Variants in RMST observed in about 807,000 individuals in gnomAD.
The protein encoded by RMST is long intergenic non-protein coding RNA 54.
intron 10 of RMST, among the ~76,000 whole-genome samples, chr12:97,522,149 T>G (rs1274621870): frequency 6.6e-6 from 1 of 152,244 alleles, no homozygotes; most frequent in Non-Finnish European, 1.5e-5. Flanking sequence ...GTTCCAACTT[T>G]GTTAAAACAT....
intron 11 of RMST, among the ~76,000 whole-genome samples, chr12:97,550,118 G>A (rs1883207515): frequency 6.6e-6 from 1 of 152,136 alleles, no homozygotes; most frequent in South Asian, 2.1e-4. Context: ...ATATTGTATT[G>A]ACAGCCGTTA....
At chr12:97,482,697 T>G (rs12227401) in intron 5 of RMST, among the ~76,000 whole-genome samples, 1 of 65,076 alleles carries the variant, frequency 1.5e-5, no homozygotes, top group African/African-American at 4.5e-5. Context: ...ATTATTTATT[T>G]AATAAATAAA....
intron 10 of RMST, among the ~76,000 whole-genome samples, chr12:97,519,042 T>C (rs1394838340): frequency 1.3e-5 from 2 of 152,176 alleles, no homozygotes; most frequent in Non-Finnish European, 2.9e-5. Flanking sequence ...CCTCCCAAAG[T>C]GTCGGGATTA....
intron 6 of RMST, chr12:97,493,070 C>CT (rs1247506722): frequency 6.6e-6 from 1 of 152,484 alleles, no homozygotes; most frequent in Admixed American, 6.6e-5. Context: ...AAGTTAACAT[C>CT]TTTAAAAAAA....
chr12:97,557,315 G>A lies in RMST; in HGVS notation n.1546-3222G>A, dbSNP rs1379451985. 1.1e-4 allele frequency among the ~76,000 whole-genome samples: 16 copies of A among 152,284 alleles called. No individual in the cohort carries two copies. In the East Asian group the frequency reaches 3.1e-3, roughly 29 times the overall value. ...AGCTGTCTGTTTCTTGAGTGGAGTT[G>A]CAGTACACCTGAGAGGTTGTTAATT... is the stretch of plus-strand genomic sequence containing the variant. On this transcript the variant is annotated intron_variant and non_coding_transcript_variant, in intron 11 of 13. Transcript: ENST00000640149.
At chr12:97,492,572 T>C (rs1876958474) in exon 6 of RMST, 1 of 152,730 alleles carries the variant, frequency 6.5e-6, no homozygotes, top group African/African-American at 2.4e-5. Context: ...GAAGTCTGCT[T>C]AGGGTGAAAC....
chr12:97,507,195 G>A (rs1192844049), intron 10 of RMST, among the ~76,000 whole-genome samples: 1 of 151,366 alleles, frequency 6.6e-6, no homozygotes, highest in African/African-American at 2.4e-5. Flanking sequence ...AGCTGACCAA[G>A]GTATATGATT....
chr12:97,484,488 T>C (rs1875839572), intron 5 of RMST, among the ~76,000 whole-genome samples: 1 of 152,194 alleles, frequency 6.6e-6, no homozygotes. Flanking sequence ...CCGAAACCCT[T>C]TTACTATTCA....
chr12:97,491,414 A>AT, intron 5 of RMST, among the ~76,000 whole-genome samples: 1 of 152,326 alleles, frequency 6.6e-6, no homozygotes. Flanking sequence ...GAATGCACCC[A>AT]TGGATGTTAC....
At chr12:97,479,670 T>G (rs565659054) in intron 5 of RMST, among the ~76,000 whole-genome samples, 72 of 152,292 alleles carry the variant, frequency 4.7e-4, no homozygotes, top group African/African-American at 1.7e-3. Context: ...AATTATGTCT[T>G]TTTGCCTCCT....
chr12:97,549,843 T>C (rs1010703494), intron 11 of RMST, among the ~76,000 whole-genome samples: 5 of 152,178 alleles, frequency 3.3e-5, no homozygotes, highest in Admixed American at 3.3e-4. Flanking sequence ...TGTTGACATA[T>C]AAGCAGGTGT....
At chr12:97,494,391 AT>A (rs1877181605) in intron 8 of RMST, among the ~76,000 whole-genome samples, 1 of 152,164 alleles carries the variant, frequency 6.6e-6, no homozygotes, top group South Asian at 2.1e-4. Flanking sequence ...AAAATGGATT[AT>A]AAGAAAATTA....
chr12:97,501,505 G>A (rs1878069987), intron 10 of RMST, among the ~76,000 whole-genome samples: 1 of 152,152 alleles, frequency 6.6e-6, no homozygotes, highest in South Asian at 2.1e-4. Flanking sequence ...TCATTGTTGT[G>A]TTGATTAATT....
intron 11 of RMST, among the ~76,000 whole-genome samples, chr12:97,548,516 G>T (rs1883096727): frequency 6.6e-6 from 1 of 151,460 alleles, no homozygotes; most frequent in Non-Finnish European, 1.5e-5. Context: ...ATGAACATGG[G>T]CTATTTTAAT....
rs1261025049 is a variant in RMST at position 97,488,191 on chromosome 12, C to A, written n.645-4270C>A. Among the ~76,000 whole-genome samples the A allele has an allele frequency of 2.0e-5, 3 of 152,150 alleles. No homozygotes were observed. In the East Asian group the frequency reaches 5.8e-4, roughly 29 times the overall value. ...CTGAGGTCAGGAGTTCGAGATCAGC[C>A]TGGCCAACATGGCGAAACCCTGTCT... is the stretch of plus-strand genomic sequence containing the variant. On this transcript the variant is annotated intron_variant and non_coding_transcript_variant, in intron 5 of 13. Transcript: ENST00000640149.
intron 10 of RMST, among the ~76,000 whole-genome samples, chr12:97,509,926 G>T (rs1879103778): frequency 6.6e-6 from 1 of 152,052 alleles, no homozygotes; most frequent in African/African-American, 2.4e-5. Context: ...TCATTTTTAT[G>T]ACTTCCCCAC....
intron 11 of RMST, among the ~76,000 whole-genome samples, chr12:97,553,975 G>C (rs1334106452): frequency 8.4e-6 from 1 of 119,008 alleles, no homozygotes; most frequent in Admixed American, 9.9e-5. Context: ...TTTTTTCTGA[G>C]ATGCAGTCTT....
chr12:97,499,280 G>A (rs1197980733), intron 10 of RMST, among the ~76,000 whole-genome samples: 3 of 151,156 alleles, frequency 2.0e-5, no homozygotes, highest in Admixed American at 6.6e-5. Flanking sequence ...CCATATACTC[G>A]TTCTTGCTTG....
intron 11 of RMST, chr12:97,541,248 G>C (rs1882497848): frequency 6.6e-6 from 1 of 151,574 alleles, no homozygotes; most frequent in Admixed American, 6.6e-5. Context: ...TTTCTATAAA[G>C]TACACGGAGA....
Sources: allele counts gnomAD v4.1 joint callset (sites outside exome capture counted in the v4.1 genomes callset), GRCh38; gene constraint gnomAD v4.1.1; transcripts MANE v1.5; gene names NCBI Gene and HGNC (gene_info 2026-07-23, HGNC 2026-07-21).